DRC4: variants seen among roughly 807,000 people sequenced by gnomAD.
The protein encoded by DRC4 is GAS-11.
chr16:90,024,832 A>G, the DRC4 span, among the ~76,000 whole-genome samples: 1 of 152,074 alleles, frequency 6.6e-6, no homozygotes, highest in Non-Finnish European at 1.5e-5. Flanking sequence ...AAAACAAAAA[A>G]CAAAAAAATG....
At chr16:90,037,394 C>T in the DRC4 span, 1 of 1,611,138 alleles carries the variant, frequency 6.2e-7, no homozygotes, top group Non-Finnish European at 8.5e-7. Flanking sequence ...CAAGCAGATC[C>T]TGCTTGTGAG....
chr16:90,029,467 A>G, the DRC4 span: 1 of 528,526 alleles, frequency 1.9e-6, no homozygotes, highest in South Asian at 1.9e-5. Context: ...CAAAATCTCA[A>G]CACCATGTGA....
chr16:90,021,761 C>T, the DRC4 span, among the ~76,000 whole-genome samples: 3 of 149,036 alleles, frequency 2.0e-5, no homozygotes, highest in African/African-American at 7.4e-5. Context: ...CCTGGCTTCT[C>T]AGGAGGCTGA....
chr16:90,031,228 C>G, the DRC4 span: 1 of 1,599,340 alleles, frequency 6.3e-7, no homozygotes, highest in Non-Finnish European at 8.5e-7. Flanking sequence ...TTGCCTTTCG[C>G]CGGCCACACG....
chr16:90,029,188 A>ATGGGGCAGCCTACGGGGCAGGCTG, the DRC4 span: 83 of 1,132,424 alleles, frequency 7.3e-5, no homozygotes, highest in Admixed American at 2.5e-3. Context: ...GGGGCAGGCT[A>ATGGGGCAGCCTACGGGGCAGGCTG]TGGGGCAGCC....
chr16:90,026,396 C>T, the DRC4 span, among the ~76,000 whole-genome samples: 4 of 152,132 alleles, frequency 2.6e-5, no homozygotes, highest in South Asian at 2.1e-4. Flanking sequence ...ACAGGGCTCT[C>T]GTGGTGGGTG....
chr16:90,037,208 C>A, the DRC4 span: 1 of 1,583,628 alleles, frequency 6.3e-7, no homozygotes. Context: ...TGAGCCCCTG[C>A]CGGGCCTGTG....
chr16:90,041,024 G>A, the DRC4 span, among the ~76,000 whole-genome samples: 1 of 152,140 alleles, frequency 6.6e-6, no homozygotes, highest in Admixed American at 6.5e-5. Flanking sequence ...TGTTTGCTCA[G>A]CACTGGGCCC....
chr16:90,025,017 C>CTT, the DRC4 span, among the ~76,000 whole-genome samples: 555 of 137,342 alleles, frequency 4.0e-3, 2 homozygotes, highest in Middle Eastern at 0.041. Context: ...TTCTCTCTCT[C>CTT]TTTTTTTTTT....
At chr16:90,019,655 G>T in the DRC4 span, 1,858 of 438,894 alleles carry the variant, frequency 4.2e-3, 26 homozygotes, top group African/African-American at 0.036. The surrounding 1 kb of genome is among the most constrained non-coding windows in gnomAD (Gnocchi z 6.1). Context: ...GCCGCGCCCC[G>T]CCGCGGACAC....
At chr16:90,034,709 T>A in the DRC4 span, among the ~76,000 whole-genome samples, 45,929 of 151,132 alleles carry the variant, frequency 0.3, 7,809 homozygotes, top group Middle Eastern at 0.42. Flanking sequence ...ATATAATAAT[T>A]GTTCATTAAA....
At chr16:90,036,427 A>G in the DRC4 span, 617,958 of 1,611,578 alleles carry the variant, frequency 0.38, 125,276 homozygotes, top group Non-Finnish European at 0.42. Context: ...TGAGGGACGA[A>G]CTCGACTTGC....
the DRC4 span, among the ~76,000 whole-genome samples, chr16:90,028,202 T>TTTTTTTTTTTA: frequency 8.0e-6 from 1 of 124,450 alleles, no homozygotes; most frequent in African/African-American, 2.9e-5. Context: ...TTTTTTTTTT[T>TTTTTTTTTTTA]GAGACGGAGT....
At chr16:90,026,891 CTTTTCTT>C in the DRC4 span, among the ~76,000 whole-genome samples, 3 of 125,046 alleles carry the variant, frequency 2.4e-5, no homozygotes, top group African/African-American at 8.8e-5. Context: ...AGTTCCCTCT[CTTTTCTT>C]TTTTTTTTTT....
the DRC4 span, among the ~76,000 whole-genome samples, chr16:90,033,935 A>C: frequency 6.8e-6 from 1 of 146,016 alleles, no homozygotes; most frequent in African/African-American, 2.5e-5. Flanking sequence ...CAGAGTGACC[A>C]GGAGGAGACT....
chr16:90,022,692 G>C, the DRC4 span: 17 of 1,424,592 alleles, frequency 1.2e-5, no homozygotes, highest in Non-Finnish European at 1.3e-5. Flanking sequence ...CCTGGTCCCG[G>C]AGTCGCCGCT....
the DRC4 span, chr16:90,044,381 A>C: frequency 4.8e-6 from 2 of 416,844 alleles, no homozygotes; most frequent in African/African-American, 2.1e-5. Flanking sequence ...GAGCTCACCT[A>C]CCTGCCACCG....
At chr16:90,038,936 G>A in the DRC4 span, among the ~76,000 whole-genome samples, 45 of 152,216 alleles carry the variant, frequency 3.0e-4, no homozygotes, top group African/African-American at 1.0e-3. Context: ...GCAGTTATAT[G>A]TGCTGTTTTG....
the DRC4 span, among the ~76,000 whole-genome samples, chr16:90,026,856 C>G: frequency 6.6e-6 from 1 of 151,046 alleles, no homozygotes; most frequent in Admixed American, 6.6e-5. Context: ...TCACCGTATA[C>G]CAAGGAATGA....
Sources: allele counts gnomAD v4.1 joint callset (sites outside exome capture counted in the v4.1 genomes callset), GRCh38; gene constraint gnomAD v4.1.1; non-coding constraint Gnocchi (gnomAD v3.1); transcripts MANE v1.5; gene names NCBI Gene and HGNC (gene_info 2026-07-23, HGNC 2026-07-21).